Variants in AMD1 observed in about 807,000 individuals in gnomAD.
AMD1 encodes the protein S-adenosylmethionine decarboxylase proenzyme.
AMD1 carries 11 observed loss-of-function variants against 40.2 expected under a neutral mutation model. The observed-to-expected ratio is 0.27, with a 90% CI of 0.17 to 0.45. The LOEUF (loss-of-function observed/expected upper bound fraction) is 0.45, where lower values mean the gene tolerates loss of function less well. Ranked by LOEUF, AMD1 falls within the 20% of genes least tolerant of loss-of-function variation. The pLI is 1.00. For missense variants in AMD1, 257 were observed against 410.2 expected, an observed-to-expected ratio of 0.63 and a Z score of 3.23; for synonymous variants, 121 against 130.8, an observed-to-expected ratio of 0.93 and a Z score of 0.51.
At chr6:110,873,456 T>C (rs186981390), upstream of AMD1, among the ~76,000 whole-genome samples, 2 of 152,378 alleles carry the variant, frequency 1.3e-5, no homozygotes, top group East Asian at 3.9e-4. Flanking sequence ...AACCACGTTC[T>C]TGTAAGACAA....
chr6:110,846,259 C>T, the AMD1 span, among the ~76,000 whole-genome samples: 1 of 152,006 alleles, frequency 6.6e-6, no homozygotes, highest in Non-Finnish European at 1.5e-5. Flanking sequence ...ACAACAAAAA[C>T]TGAATTTAAA....
the AMD1 span, among the ~76,000 whole-genome samples, chr6:110,856,942 T>C: frequency 6.6e-6 from 1 of 151,676 alleles, no homozygotes; most frequent in East Asian, 1.9e-4. Flanking sequence ...GGCAGGTGGA[T>C]CATTTGAGGT....
At chr6:110,876,875 C>T (rs1785143205) in intron 1 of AMD1, among the ~76,000 whole-genome samples, 2 of 151,854 alleles carry the variant, frequency 1.3e-5, no homozygotes, top group Non-Finnish European at 2.9e-5. Context: ...GAAGTTGTCA[C>T]TTTGGCTTTT....
the AMD1 span, chr6:110,815,374 G>A: frequency 1.1e-5 from 4 of 376,514 alleles, no homozygotes; most frequent in Admixed American, 1.5e-4. Context: ...GGCGGCTCCC[G>A]CAGGCACCCC....
chr6:110,832,200 T>A, the AMD1 span, among the ~76,000 whole-genome samples: 1 of 151,656 alleles, frequency 6.6e-6, no homozygotes, highest in Admixed American at 6.6e-5. Flanking sequence ...AGAGACAGGG[T>A]TTTACCATAT....
intron 2 of AMD1, 76 bp downstream of exon 2, chr6:110,887,667 G>C: frequency 9.3e-7 from 1 of 1,077,438 alleles, no homozygotes; most frequent in Non-Finnish European, 1.3e-6. Flanking sequence ...GTTCCTCTCA[G>C]TTGTAGTTCT....
At chr6:110,826,928 A>G in the AMD1 span, among the ~76,000 whole-genome samples, 20 of 152,054 alleles carry the variant, frequency 1.3e-4, no homozygotes, top group Admixed American at 9.2e-4. Flanking sequence ...CTGACCTCAG[A>G]TGATCCACCT....
At chr6:110,825,769 A>T in the AMD1 span, among the ~76,000 whole-genome samples, 1 of 152,202 alleles carries the variant, frequency 6.6e-6, no homozygotes, top group Non-Finnish European at 1.5e-5. Context: ...TTAAATAAGG[A>T]TGATTTAGGC....
rs570584092 is a variant in AMD1, at chr6:110,877,214, A to AC, written c.110+1999_110+2000insC. 2.0e-3 allele frequency among the ~76,000 whole-genome samples: 302 copies of AC among 152,366 alleles called. 2 individuals carry two copies. The highest frequency in any genetic ancestry group is 7.1e-3 in the African/African-American group (297 of 41,580). On this transcript the variant is annotated intron_variant, in intron 1 of 8. Coordinates refer to ENST00000368885, the MANE Select transcript of AMD1 (RefSeq NM_001634.6). ...TGTGGACATGTAACATTCATTGAAC[A>AC]ACTATTGGTAGTACACTGCCACATT... is the stretch of plus-strand genomic sequence containing the variant.
intron 3 of AMD1, 197 bp downstream of exon 3, chr6:110,889,180 T>G: frequency 2.3e-6 from 1 of 430,060 alleles, no homozygotes; most frequent in Admixed American, 4.7e-5. Flanking sequence ...TGAGTTAGGA[T>G]GAAATTCAAA....
At chr6:110,815,257 G>T in the AMD1 span, 8 of 1,022,348 alleles carry the variant, frequency 7.8e-6, no homozygotes, top group Non-Finnish European at 8.9e-6. Context: ...GCGCGCGCGC[G>T]CCGCCCGCCG....
At chr6:110,880,214 G>A (rs1169465117) in intron 1 of AMD1, among the ~76,000 whole-genome samples, 1 of 152,038 alleles carries the variant, frequency 6.6e-6, no homozygotes, top group Non-Finnish European at 1.5e-5. Context: ...ATCGCCCCTG[G>A]TCCCTTTGTC....
chr6:110,841,638 C>T, the AMD1 span, among the ~76,000 whole-genome samples: 2 of 151,300 alleles, frequency 1.3e-5, no homozygotes, highest in Non-Finnish European at 2.9e-5. Context: ...AGGCAAGACA[C>T]AGTAGCAGGG....
chr6:110,853,528 G>A, the AMD1 span, among the ~76,000 whole-genome samples: 325 of 152,142 alleles, frequency 2.1e-3, 3 homozygotes, highest in African/African-American at 7.6e-3. Flanking sequence ...AGAATGGTCT[G>A]GATCTCTTGA....
intron 4 of AMD1, 27 bp downstream of exon 4, chr6:110,890,383 T>C: frequency 6.7e-7 from 1 of 1,495,024 alleles, no homozygotes; most frequent in Non-Finnish European, 9.1e-7. Flanking sequence ...TATAAACCTG[T>C]TGTCTTCTTA....
chr6:110,818,292 A>G, the AMD1 span, among the ~76,000 whole-genome samples: 2 of 152,152 alleles, frequency 1.3e-5, no homozygotes, highest in South Asian at 2.1e-4. Context: ...TTAAAGGCAA[A>G]AAAAGGGGGA....
intron 1 of AMD1, chr6:110,875,443 C>T (rs982991484): frequency 2.1e-5 from 10 of 487,706 alleles, no homozygotes; most frequent in African/African-American, 1.8e-4. Flanking sequence ...TGGCATTGCC[C>T]TGGGGGAGGG....
the AMD1 span, among the ~76,000 whole-genome samples, chr6:110,867,102 C>T: frequency 2.6e-4 from 40 of 151,930 alleles, no homozygotes; most frequent in African/African-American, 9.2e-4. Flanking sequence ...CGTGAGCCAC[C>T]GGGCCTGGCC....
At chr6:110,847,473 C>T in the AMD1 span, among the ~76,000 whole-genome samples, 4 of 150,648 alleles carry the variant, frequency 2.7e-5, no homozygotes, top group South Asian at 2.1e-4. Context: ...TGCAGTGAGC[C>T]GAGATCGCGC....
Sources: allele counts gnomAD v4.1 joint callset (sites outside exome capture counted in the v4.1 genomes callset), GRCh38; gene constraint gnomAD v4.1.1; transcripts MANE v1.5; gene names NCBI Gene and HGNC (gene_info 2026-07-23, HGNC 2026-07-21).